CDK6: variants seen among roughly 807,000 people sequenced by gnomAD.
The protein encoded by CDK6 is cyclin dependent kinase 6.
Under a neutral mutation model 37.1 loss-of-function variants are expected in CDK6, and 6 were observed. That is an observed-to-expected ratio of 0.16 (90% confidence interval 0.09 to 0.32). The LOEUF is 0.32. Among genes scored for constraint, CDK6 ranks in the 10% least tolerant of loss-of-function variants. The pLI, the probability that CDK6 is intolerant of heterozygous loss-of-function variation, is 1.00. For synonymous variants in CDK6, 160 were observed against 161.3 expected (o/e 0.99, Z 0.06); for missense variants, 224 against 418.9 (o/e 0.53, Z 4.06).
chr7:92,815,340 A>G (rs1396763720), intron 2 of CDK6, among the ~76,000 whole-genome samples: 1 of 152,182 alleles, frequency 6.6e-6, no homozygotes, highest in East Asian at 1.9e-4. Context: ...TTTTACTCAG[A>G]AATGAGAGCC....
chr7:92,742,335 C>T (rs1360348473), intron 3 of CDK6, among the ~76,000 whole-genome samples: 1 of 152,168 alleles, frequency 6.6e-6, no homozygotes, highest in African/African-American at 2.4e-5. Flanking sequence ...TTGTCAGAAT[C>T]AGCACACAGC....
intron 4 of CDK6, among the ~76,000 whole-genome samples, chr7:92,695,084 G>A (rs921229836): frequency 6.6e-6 from 1 of 152,030 alleles, no homozygotes; most frequent in Non-Finnish European, 1.5e-5. Context: ...ATCAGTGAAA[G>A]TTATAATGAT....
rs1376230606 is a variant in CDK6 at position 92,612,435 on chromosome 7, C to A, written c.*2705G>T. 2 of 233,072 alleles carry A rather than the reference C, an allele frequency of 8.6e-6. No homozygotes were observed. Among genetic ancestry groups the A allele is most frequent in the Non-Finnish European group, 1.7e-5 (2 of 117,976 alleles). 14.4% of individuals were successfully genotyped at this position (233,072 alleles called of 1,614,324 possible). A position where few individuals can be genotyped will look rare whatever the true frequency, so the allele number is the denominator to read the frequency against. ...GCTTCAAAATGCCCTAACGGCAAGA[C>A]TGCTTGTGTTGGATCTGGATTTCAG... On this transcript the variant is annotated 3_prime_UTR_variant, in exon 8 of 8. Coordinates refer to ENST00000424848, the MANE Select transcript of CDK6 (RefSeq NM_001145306.2).
At chr7:92,717,802 G>A (rs955621014) in intron 4 of CDK6, among the ~76,000 whole-genome samples, 3 of 152,180 alleles carry the variant, frequency 2.0e-5, no homozygotes, top group African/African-American at 7.2e-5. Flanking sequence ...TCCACTTGGT[G>A]CAATTAGATA....
chr7:92,818,580 GA>G (rs945827369), intron 2 of CDK6, among the ~76,000 whole-genome samples: 1 of 149,278 alleles, frequency 6.7e-6, no homozygotes, highest in Non-Finnish European at 1.5e-5. Flanking sequence ...AGCTATCAAA[GA>G]AAAAAAAAGA....
intron 3 of CDK6, among the ~76,000 whole-genome samples, chr7:92,750,219 A>G (rs1048327757): frequency 6.6e-6 from 1 of 152,336 alleles, no homozygotes; most frequent in East Asian, 1.9e-4. Flanking sequence ...GAACTTGGTT[A>G]CAGTCCTAGC....
chr7:92,651,901 G>A lies in CDK6; in HGVS notation c.647+19525C>T, dbSNP rs550999270. 1.1e-4 allele frequency among the ~76,000 whole-genome samples: 17 copies of A among 152,194 alleles called. 1 individual carries two copies. The South Asian group carries it at 3.3e-3, about 30-fold the overall frequency. On this transcript the variant is annotated intron_variant, in intron 5 of 7. Transcript: ENST00000424848. Reference sequence around the variant, plus strand: ...CTCCAAGGAGGGGCTCTTTACCAATGGGTCTGGAAGCACATCAATATTTTA... The same window carrying A: ...CTCCAAGGAGGGGCTCTTTACCAATAGGTCTGGAAGCACATCAATATTTTA...
At chr7:92,714,467 C>T (rs1263852852) in intron 4 of CDK6, among the ~76,000 whole-genome samples, 1 of 152,144 alleles carries the variant, frequency 6.6e-6, no homozygotes, top group African/African-American at 2.4e-5. Context: ...TCAGAGTATA[C>T]AGACTTGAGT....
rs1795444762 is a variant in CDK6 at position 92,607,033 on chromosome 7, T to C, written c.*8107A>G. 4.3e-6 allele frequency: 1 copy of C among 233,336 alleles called. No homozygotes were observed. The allele number at this position is 233,336 out of a possible 1,614,324, so 14.5% of individuals were successfully genotyped here. The stretch of plus-strand genomic sequence containing the variant: ...TTATACAGGCAATCCTTGCTTTTTA[T>C]TACCACACTGGATTGCTTCTGTACA... On this transcript the variant is annotated 3_prime_UTR_variant, in exon 8 of 8. Coordinates refer to ENST00000424848, the MANE Select transcript of CDK6 (RefSeq NM_001145306.2).
chr7:92,656,920 G>C (rs1796712046), intron 5 of CDK6, among the ~76,000 whole-genome samples: 1 of 152,080 alleles, frequency 6.6e-6, no homozygotes, highest in Non-Finnish European at 1.5e-5. Flanking sequence ...GAATGCACCT[G>C]AACAAGCAGG....
chr7:92,728,700 CT>C lies in CDK6; in HGVS notation c.370-2908del, dbSNP rs375125242. Among the ~76,000 whole-genome samples, 104 of 152,250 alleles carry C rather than the reference CT, an allele frequency of 6.8e-4. 1 individual carries two copies. Among genetic ancestry groups the C allele is most frequent in the African/African-American group, 2.4e-3 (101 of 41,548 alleles). ...AACGTTGATTCCATGTGTATGATGC[CT>C]ATAGATGTAAGTTGGTTCTACATAA... On this transcript the variant is annotated intron_variant, in intron 3 of 7. Coordinates refer to ENST00000424848, the MANE Select transcript of CDK6 (RefSeq NM_001145306.2).
intron 3 of CDK6, among the ~76,000 whole-genome samples, chr7:92,770,832 C>T (rs1339843862): frequency 6.6e-6 from 1 of 152,006 alleles, no homozygotes; most frequent in Non-Finnish European, 1.5e-5. Context: ...GTAAACAGTG[C>T]CACAGAAAAC....
At chr7:92,742,266 G>T (rs1444646871) in intron 3 of CDK6, among the ~76,000 whole-genome samples, 3 of 152,200 alleles carry the variant, frequency 2.0e-5, no homozygotes, top group Non-Finnish European at 4.4e-5. Context: ...TTTTGAAATA[G>T]AAATTGTACT....
At chr7:92,721,682 A>T (rs1562946800) in intron 4 of CDK6, among the ~76,000 whole-genome samples, 1 of 152,204 alleles carries the variant, frequency 6.6e-6, no homozygotes, top group Admixed American at 6.5e-5. Context: ...TCCTCAATTT[A>T]TCAGATGAGG....
At chr7:92,724,502 C>T (rs1157790646) in intron 4 of CDK6, among the ~76,000 whole-genome samples, 1 of 152,050 alleles carries the variant, frequency 6.6e-6, no homozygotes. Context: ...GTGGGGAACA[C>T]TTTTATAAAT....
chr7:92,790,815 G>C (rs957513592), intron 2 of CDK6, among the ~76,000 whole-genome samples: 1 of 152,134 alleles, frequency 6.6e-6, no homozygotes. Flanking sequence ...CAATTTAACT[G>C]TCAGAGTATC....
chr7:92,795,906 A>C (rs1026242189), intron 2 of CDK6, among the ~76,000 whole-genome samples: 2 of 152,120 alleles, frequency 1.3e-5, no homozygotes, highest in African/African-American at 4.8e-5. Flanking sequence ...AGTGTTTCTT[A>C]GCTGTTACTA....
chr7:92,704,860 G>C (rs1797932647), intron 4 of CDK6, among the ~76,000 whole-genome samples: 1 of 152,200 alleles, frequency 6.6e-6, no homozygotes, highest in Admixed American at 6.5e-5. Flanking sequence ...TTAAGGCATG[G>C]AATTGCAGGG....
At chr7:92,659,840 A>G (rs1488181637) in intron 5 of CDK6, among the ~76,000 whole-genome samples, 1 of 152,174 alleles carries the variant, frequency 6.6e-6, no homozygotes, top group Non-Finnish European at 1.5e-5. Context: ...AGTTGGAGTG[A>G]ATCTTGGACA....
Sources: gnomAD v4.1 joint callset for allele counts (sites outside exome capture counted in the v4.1 genomes callset) on GRCh38, gnomAD v4.1.1 for gene constraint, MANE v1.5 for transcripts, NCBI Gene and HGNC (gene_info 2026-07-23, HGNC 2026-07-21) for gene names.